The following EFCAB8 variants were observed in gnomAD, a reference collection of about 807,000 sequenced individuals.
The protein encoded by EFCAB8 is EF-hand calcium binding domain 8, also known as EF-hand calcium-binding domain-containing protein 8.
In EFCAB8, 100 loss-of-function variants were observed where a neutral mutation model predicts 116.3. That is an observed-to-expected ratio of 0.86 (90% CI 0.73 to 1.02). EFCAB8 has a LOEUF of 1.02. Ranked by LOEUF, EFCAB8 falls within the 50% of genes least tolerant of loss-of-function variation. EFCAB8 has a pLI of 0.00. For missense variants in EFCAB8, 1,320 were observed against 1,416.9 expected, an observed-to-expected ratio of 0.93 and a Z score of 1.10; for synonymous variants, 558 against 567.9, an observed-to-expected ratio of 0.98 and a Z score of 0.25.
chr20:32,876,474 T>G (rs1984980656), intron 4 of EFCAB8, among the ~76,000 whole-genome samples: 2 of 152,192 alleles, frequency 1.3e-5, no homozygotes, highest in African/African-American at 4.8e-5. Flanking sequence ...AATGCTTTCA[T>G]GTTTTTCTGG....
intron 18 of EFCAB8, among the ~76,000 whole-genome samples, 194 bp downstream of exon 18, chr20:32,917,699 G>A (rs1987252134): frequency 6.6e-6 from 1 of 152,144 alleles, no homozygotes; most frequent in African/African-American, 2.4e-5. Flanking sequence ...AGAAAATGGA[G>A]GCACACGGAG....
chr20:32,866,870 T>TTTCCTTCC (rs1168122381), intron 2 of EFCAB8, among the ~76,000 whole-genome samples: 1 of 147,376 alleles, frequency 6.8e-6, no homozygotes, highest in South Asian at 2.2e-4. Context: ...TCTTTCTTTC[T>TTTCCTTCC]TTCCTTCCTT....
chr20:32,896,476 G>A lies in EFCAB8; in HGVS notation c.906G>A (p.Leu302=), dbSNP rs1450675441. The part of the protein sequence containing the change: ...SKWDHWIKVS[L]QKLLNEKSAL... ...CAGATCACTGGATCAAAGTTTCCTT[G>A]CAGAAACTCTTAAATGAGAAGTCTG... Residue 302 remains leucine, a synonymous_variant, in exon 10 of 27, where the codon TTG becomes TTA. Coordinates refer to ENST00000400522, the MANE Select transcript of EFCAB8 (RefSeq NM_001143967.2). The A allele has an allele frequency of 8.3e-6, 6 of 719,042 alleles. No homozygotes were observed. The highest frequency in any genetic ancestry group is 1.6e-5 in the Non-Finnish European group (6 of 385,194). 44.5% of individuals were successfully genotyped at this position (719,042 alleles called of 1,614,324 possible). A position where few individuals can be genotyped will look rare whatever the true frequency, so the allele number is the denominator to read the frequency against.
intron 8 of EFCAB8, 50 bp downstream of exon 8, chr20:32,892,347 C>CTG: frequency 6.6e-7 from 1 of 1,523,274 alleles, no homozygotes; most frequent in Non-Finnish European, 8.9e-7. Context: ...CCCAGGCCTC[C>CTG]TGCAGCAGCC....
intron 22 of EFCAB8, among the ~76,000 whole-genome samples, chr20:32,931,723 A>T (rs981114306): frequency 1.3e-5 from 2 of 152,226 alleles, no homozygotes; most frequent in African/African-American, 4.8e-5. Context: ...GCGCCATTGC[A>T]TTCCAGCCTG....
intron 2 of EFCAB8, 117 bp downstream of exon 2, chr20:32,863,951 CAG>C: frequency 8.9e-7 from 1 of 1,125,720 alleles, no homozygotes; most frequent in Non-Finnish European, 1.2e-6. Context: ...GTTGCATACT[CAG>C]ATATTTACTG....
chr20:32,938,430 A>G (rs1006646966), intron 22 of EFCAB8, among the ~76,000 whole-genome samples: 1 of 149,858 alleles, frequency 6.7e-6, no homozygotes, highest in African/African-American at 2.5e-5. Flanking sequence ...ACCCCAATTT[A>G]ACATTTTATT....
intron 3 of EFCAB8, among the ~76,000 whole-genome samples, chr20:32,871,642 T>C (rs1208142599): frequency 6.6e-6 from 1 of 152,138 alleles, no homozygotes; most frequent in Non-Finnish European, 1.5e-5. Flanking sequence ...ATTCACCTTT[T>C]GTTGATGTAG....
Position 32,960,140 on chromosome 20 carries a change from A to C in EFCAB8, c.3372A>C (p.Pro1124=), listed in dbSNP as rs188437954. 661 of 1,551,738 alleles carry C rather than the reference A, an allele frequency of 4.3e-4. 4 individuals carry two copies. The Middle Eastern group carries it at 7.2e-3, about 17-fold the overall frequency. Residue 1124 remains proline, a synonymous_variant, in exon 26 of 27, where the codon CCA becomes CCC. Transcript: ENST00000400522. ...QNTRFLSTRV[P]YGWMKHQISP... Reference sequence around the variant, plus strand: ...CCAGGTTCCTGTCCACCAGGGTGCCATATGGCTGGATGAAGCATCAGGTAA... The same window carrying C: ...CCAGGTTCCTGTCCACCAGGGTGCCCTATGGCTGGATGAAGCATCAGGTAA...
intron 2 of EFCAB8, among the ~76,000 whole-genome samples, chr20:32,864,157 A>G (rs1323646605): frequency 1.3e-5 from 2 of 151,862 alleles, no homozygotes; most frequent in Non-Finnish European, 2.9e-5. Context: ...TTATATTTTT[A>G]GTAGAGATGG....
Position 32,904,869 on chromosome 20 carries a change from C to T in EFCAB8, c.1089-1693C>T, listed in dbSNP as rs145902954. Reference sequence around the variant, plus strand: ...CTGGAACTCCTGACCTCAGGTGATCCGGCCGCCTTGGTCTCCCAAAGTGCT... The same window carrying T: ...CTGGAACTCCTGACCTCAGGTGATCTGGCCGCCTTGGTCTCCCAAAGTGCT... On this transcript the variant is annotated intron_variant, in intron 11 of 26. Coordinates refer to ENST00000400522, the MANE Select transcript of EFCAB8 (RefSeq NM_001143967.2). Among the ~76,000 whole-genome samples, 232 of 152,244 alleles carry T rather than the reference C, an allele frequency of 1.5e-3. 4 individuals carry two copies. The East Asian group carries it at 0.028, about 18-fold the overall frequency.
In EFCAB8 at chr20:32,931,230, C is replaced by A; in HGVS notation, c.2684C>A (p.Ser895Tyr). ...CALIDKQPFQSSGAKVVSEAH... is the reference protein window; with the variant it reads ...CALIDKQPFQYSGAKVVSEAH... ...TTGATTGATAAACAGCCATTCCAAT[C>A]CAGTGGGGCCAAGGTTGTCTCTGAA... The change falls in exon 22 of 27, where the codon TCC becomes TAC. Residue 895 changes from serine (S) to tyrosine (Y), a missense_variant. By Grantham distance (144) the Ser-to-Tyr change is moderately radical (BLOSUM62 -2). Coordinates refer to ENST00000400522, the MANE Select transcript of EFCAB8 (RefSeq NM_001143967.2). 6.4e-7 allele frequency: 1 copy of A among 1,551,048 alleles called. No homozygotes were observed. The highest frequency in any genetic ancestry group is 8.7e-7 in the Non-Finnish European group (1 of 1,146,752).
intron 20 of EFCAB8, among the ~76,000 whole-genome samples, chr20:32,925,297 G>A (rs1698695091): frequency 6.6e-6 from 1 of 152,022 alleles, no homozygotes; most frequent in Non-Finnish European, 1.5e-5. Flanking sequence ...TCAGCTCACT[G>A]CCACCTCTGT....
intron 5 of EFCAB8, among the ~76,000 whole-genome samples, chr20:32,881,421 T>G (rs1369495996): frequency 6.6e-6 from 1 of 152,182 alleles, no homozygotes; most frequent in East Asian, 1.9e-4. Flanking sequence ...GGTCTCGAAC[T>G]CCTGACCTCA....
At chr20:32,870,202 T>C (rs1389384317) in intron 3 of EFCAB8, among the ~76,000 whole-genome samples, 1 of 152,178 alleles carries the variant, frequency 6.6e-6, no homozygotes, top group East Asian at 1.9e-4. Flanking sequence ...GGTCTGAAGA[T>C]AGGGTGATTC....
chr20:32,883,553 T>C (rs970059028), intron 5 of EFCAB8, among the ~76,000 whole-genome samples: 2 of 152,206 alleles, frequency 1.3e-5, no homozygotes, highest in African/African-American at 2.4e-5. Context: ...AGGGGAGACA[T>C]TCCCTAATTA....
intron 23 of EFCAB8, among the ~76,000 whole-genome samples, chr20:32,951,802 C>T (rs934226257): frequency 3.3e-5 from 5 of 152,066 alleles, no homozygotes; most frequent in African/African-American, 1.2e-4. Flanking sequence ...TTCTTTGATG[C>T]AATGCCTGTT....
At chr20:32,870,338 AT>A (rs1173046672) in intron 3 of EFCAB8, among the ~76,000 whole-genome samples, 3 of 152,154 alleles carry the variant, frequency 2.0e-5, no homozygotes, top group Non-Finnish European at 4.4e-5. Context: ...TGAATAGGTA[AT>A]ATACCCACAC....
chr20:32,873,809 C>CAAA lies in EFCAB8; in HGVS notation c.209-2117_209-2116insAAA, dbSNP rs369133956. Among the ~76,000 whole-genome samples the CAAA allele has an allele frequency of 9.5e-4, 139 of 146,122 alleles. 1 individual carries two copies. Among genetic ancestry groups the CAAA allele is most frequent in the Admixed American group, 2.4e-3 (35 of 14,820 alleles). On this transcript the variant is annotated intron_variant, in intron 3 of 26. Coordinates refer to ENST00000400522, the MANE Select transcript of EFCAB8 (RefSeq NM_001143967.2). ...CCTGGGCAACAGAGCGAGACTCTGT[C>CAAA]CAAAAAAAAAAAAAATGCAGTTCAC...
Sources: gnomAD v4.1 joint callset for allele counts (sites outside exome capture counted in the v4.1 genomes callset) on GRCh38, gnomAD v4.1.1 for gene constraint, MANE v1.5 for transcripts, NCBI Gene and HGNC (gene_info 2026-07-23, HGNC 2026-07-21) for gene names.